CNTNAP2: variants seen among roughly 807,000 people sequenced by gnomAD.
CNTNAP2 encodes contactin-associated protein-like 2.
Under a neutral mutation model 155.2 loss-of-function variants are expected in CNTNAP2, and 98 were observed. That is an observed-to-expected ratio of 0.63 (90% CI 0.54 to 0.75). The LOEUF is 0.75. Among genes scored for constraint, CNTNAP2 ranks in the 30% least tolerant of loss-of-function variants. The pLI is 0.00. For synonymous variants in CNTNAP2, 651 were observed against 631.2 expected (o/e 1.03, Z -0.47); for missense variants, 1,727 against 1,688.1 (o/e 1.02, Z -0.40).
At chr7:146,767,474 T>C (rs965299928) in intron 1 of CNTNAP2, among the ~76,000 whole-genome samples, 1 of 152,182 alleles carries the variant, frequency 6.6e-6, no homozygotes, top group African/African-American at 2.4e-5. Flanking sequence ...AGAGTAATAA[T>C]AGCAATGACT....
At chr7:148,215,460 T>C (rs1417814973) in intron 18 of CNTNAP2, among the ~76,000 whole-genome samples, 1 of 152,136 alleles carries the variant, frequency 6.6e-6, no homozygotes, top group Admixed American at 6.5e-5. Context: ...GTGATAGTTC[T>C]TTTGATCAGG....
At chr7:148,252,274 G>T (rs1017953185) in intron 20 of CNTNAP2, among the ~76,000 whole-genome samples, 1 of 152,148 alleles carries the variant, frequency 6.6e-6, no homozygotes, top group Non-Finnish European at 1.5e-5. Context: ...AGATCCTGGG[G>T]TCTCTCCAGA....
At chr7:148,093,701 C>T (rs1803898856) in intron 15 of CNTNAP2, among the ~76,000 whole-genome samples, 1 of 152,158 alleles carries the variant, frequency 6.6e-6, no homozygotes. Flanking sequence ...AACCCATTAC[C>T]GTTGTCCACC....
intron 3 of CNTNAP2, among the ~76,000 whole-genome samples, chr7:146,943,998 CCTTTA>C (rs1337099259): frequency 4.6e-5 from 7 of 151,876 alleles, no homozygotes; most frequent in Non-Finnish European, 8.8e-5. Context: ...TAATACTGCA[CCTTTA>C]CTTTTGTTTA....
At chr7:148,195,094 C>T (rs997091394) in intron 18 of CNTNAP2, among the ~76,000 whole-genome samples, 3 of 152,174 alleles carry the variant, frequency 2.0e-5, no homozygotes, top group Admixed American at 2.0e-4. Context: ...GGGTCAAGTG[C>T]TACCTCTTCT....
intron 1 of CNTNAP2, among the ~76,000 whole-genome samples, chr7:146,469,516 G>T (rs1796763002): frequency 1.5e-5 from 2 of 134,766 alleles, no homozygotes; most frequent in African/African-American, 3.0e-5. Context: ...CTTAATAATT[G>T]ACTTTTTTTT....
chr7:147,321,447 A>AT (rs976215068), intron 9 of CNTNAP2, among the ~76,000 whole-genome samples: 13 of 152,064 alleles, frequency 8.5e-5, no homozygotes, highest in East Asian at 1.9e-4. Context: ...TTTCATTTTT[A>AT]TTTTTTTAAC....
At chr7:147,889,898 G>A (rs1799659355) in intron 13 of CNTNAP2, among the ~76,000 whole-genome samples, 1 of 152,030 alleles carries the variant, frequency 6.6e-6, no homozygotes. Flanking sequence ...ATTTTTTCAA[G>A]CACATGTAAA....
At chr7:147,502,590 C>T (rs1440399593) in intron 11 of CNTNAP2, among the ~76,000 whole-genome samples, 1 of 152,030 alleles carries the variant, frequency 6.6e-6, no homozygotes, top group Non-Finnish European at 1.5e-5. Flanking sequence ...ATGGTGACTA[C>T]AGTTAATTAT....
chr7:147,097,043 G>T (rs570195275), intron 4 of CNTNAP2, among the ~76,000 whole-genome samples: 1 of 152,278 alleles, frequency 6.6e-6, no homozygotes, highest in Admixed American at 6.5e-5. Flanking sequence ...CAGAATTGTT[G>T]TAATATATTG....
chr7:146,449,053 G>A (rs557965487), intron 1 of CNTNAP2, among the ~76,000 whole-genome samples: 4 of 152,146 alleles, frequency 2.6e-5, no homozygotes, highest in South Asian at 4.1e-4. Flanking sequence ...CAAGGCCATT[G>A]ATACCATTCT....
At chr7:146,341,695 T>G (rs1794731835) in intron 1 of CNTNAP2, among the ~76,000 whole-genome samples, 1 of 152,150 alleles carries the variant, frequency 6.6e-6, no homozygotes, top group South Asian at 2.1e-4. Flanking sequence ...ACTTTAGTAT[T>G]TAATTCTAGT....
intron 1 of CNTNAP2, among the ~76,000 whole-genome samples, chr7:146,618,413 G>T (rs547480161): frequency 1.3e-5 from 2 of 152,106 alleles, no homozygotes; most frequent in African/African-American, 2.4e-5. Flanking sequence ...ATTACAATAC[G>T]TTTTATTTTT....
chr7:147,900,175 C>T (rs772477670), intron 13 of CNTNAP2, among the ~76,000 whole-genome samples: 10 of 152,178 alleles, frequency 6.6e-5, no homozygotes, highest in African/African-American at 1.4e-4. Context: ...TGGCTGCCTT[C>T]GTTCTTGCAC....
chr7:146,614,044 TTAC>T (rs1423390966), intron 1 of CNTNAP2, among the ~76,000 whole-genome samples: 1 of 152,184 alleles, frequency 6.6e-6, no homozygotes, highest in East Asian at 1.9e-4. Flanking sequence ...TATTTCTTGG[TTAC>T]TACTATCTCT....
At chr7:147,707,530 G>A (rs1232036218) in intron 13 of CNTNAP2, among the ~76,000 whole-genome samples, 1 of 152,198 alleles carries the variant, frequency 6.6e-6, no homozygotes, top group East Asian at 1.9e-4. Context: ...CTGGTGGCCA[G>A]TCACAGGCCA....
intron 3 of CNTNAP2, among the ~76,000 whole-genome samples, chr7:146,911,839 C>T (rs1260018788): frequency 1.3e-5 from 2 of 152,042 alleles, no homozygotes; most frequent in Admixed American, 6.6e-5. Flanking sequence ...ATTTGGTTTA[C>T]AATCTTCAAG....
chr7:148,262,466 GTCAA>G (rs1384970643), intron 20 of CNTNAP2, among the ~76,000 whole-genome samples: 1 of 152,210 alleles, frequency 6.6e-6, no homozygotes, highest in Non-Finnish European at 1.5e-5. Context: ...AACGGCTGAA[GTCAA>G]TCAGAAAGGC....
intron 21 of CNTNAP2, among the ~76,000 whole-genome samples, chr7:148,366,316 A>C (rs182689915): frequency 5.9e-5 from 9 of 151,814 alleles, no homozygotes; most frequent in Admixed American, 2.0e-4. Context: ...GTATGTATAC[A>C]TTATGTATAC....
Sources: allele counts gnomAD v4.1 joint callset (sites outside exome capture counted in the v4.1 genomes callset), GRCh38; gene constraint gnomAD v4.1.1; transcripts MANE v1.5; gene names NCBI Gene and HGNC (gene_info 2026-07-23, HGNC 2026-07-21).